The following NECAB1 variants were observed in gnomAD, a reference collection of about 807,000 sequenced individuals.
The protein encoded by NECAB1 is N-terminal EF-hand calcium binding protein 1.
A neutral mutation model predicts 57.5 loss-of-function variants in NECAB1; 29 were observed. The ratio of observed to expected loss-of-function variants is 0.50; its 90% CI spans 0.38 to 0.69. The LOEUF is 0.69. Among genes scored for constraint, NECAB1 ranks in the 30% least tolerant of loss-of-function variants. NECAB1 has a pLI of 0.00. For missense variants in NECAB1, 372 were observed against 413.8 expected (o/e 0.90, Z 0.88); for synonymous variants, 142 against 147.7 (o/e 0.96, Z 0.28).
At chr8:90,906,885 A>ATATATGTATATATATATATATATGTATG (rs1554574061) in intron 5 of NECAB1, among the ~76,000 whole-genome samples, 2 of 120,916 alleles carry the variant, frequency 1.7e-5, no homozygotes, top group South Asian at 2.6e-4. Flanking sequence ...ACATATATAT[A>ATATATGTATATATATATATATATGTATG]TATATATATA....
intron 1 of NECAB1, among the ~76,000 whole-genome samples, chr8:90,800,937 A>T (rs1219774912): frequency 6.6e-6 from 1 of 152,232 alleles, no homozygotes; most frequent in African/African-American, 2.4e-5. Context: ...ATTACTAAAG[A>T]GTAATGGATA....
rs537270267 is a variant in NECAB1, at chr8:90,952,506, C to T, written c.1030+1302C>T. On this transcript the variant is annotated intron_variant, in intron 12 of 12. Transcript: ENST00000417640. ...TTATAAATGGGAGGAAGGCTGGGCG[C>T]GGTGGCTCACGCCTGTAATCCCAGC... Among the ~76,000 whole-genome samples, 145 of 152,182 alleles carry T rather than the reference C, an allele frequency of 9.5e-4. 1 individual carries two copies. Among genetic ancestry groups the T allele is most frequent in the Admixed American group, 1.6e-3 (24 of 15,292 alleles).
At chr8:90,872,395 A>T in intron 4 of NECAB1, 1 of 379,788 alleles carries the variant, frequency 2.6e-6, no homozygotes, top group Non-Finnish European at 4.7e-6. Context: ...TACAATCAGT[A>T]CATTAGTTTC....
chr8:90,925,455 C>G, intron 6 of NECAB1, 80 bp from the exon 7 acceptor site: 2 of 1,498,000 alleles, frequency 1.3e-6, no homozygotes, highest in Non-Finnish European at 1.8e-6. Context: ...ACCTTTATGA[C>G]TGACGCATGA....
At chr8:90,817,154 G>C (rs1812072331) in intron 2 of NECAB1, among the ~76,000 whole-genome samples, 1 of 151,580 alleles carries the variant, frequency 6.6e-6, no homozygotes, top group African/African-American at 2.4e-5. Context: ...TATTAACCTT[G>C]TATCGTATGA....
chr8:90,954,503 T>C (rs890646798), intron 12 of NECAB1, among the ~76,000 whole-genome samples: 1 of 151,766 alleles, frequency 6.6e-6, no homozygotes, highest in African/African-American at 2.4e-5. Flanking sequence ...GAAAACAGGA[T>C]ACAAAAAAAA....
intron 5 of NECAB1, among the ~76,000 whole-genome samples, chr8:90,906,891 A>ATATATG (rs1809680087): frequency 3.5e-5 from 4 of 113,414 alleles, no homozygotes; most frequent in African/African-American, 1.6e-4. Context: ...ATATATATAT[A>ATATATG]TATATATATA....
At chr8:90,945,606 C>T (rs1388592326) in intron 10 of NECAB1, among the ~76,000 whole-genome samples, 1 of 152,080 alleles carries the variant, frequency 6.6e-6, no homozygotes. Context: ...ACTGGTTAGG[C>T]CTTGCTTGTG....
intron 3 of NECAB1, among the ~76,000 whole-genome samples, chr8:90,845,195 C>T (rs1035140835): frequency 7.9e-5 from 12 of 152,174 alleles, no homozygotes; most frequent in African/African-American, 2.9e-4. Context: ...AACACCTTCA[C>T]TGAAACAACC....
intron 3 of NECAB1, among the ~76,000 whole-genome samples, chr8:90,847,763 T>C (rs1812596316): frequency 6.6e-6 from 1 of 152,226 alleles, no homozygotes; most frequent in African/African-American, 2.4e-5. Flanking sequence ...AGCCATGGCA[T>C]GAACTGTATC....
At chr8:90,955,112 T>TTAATTTTATATATATATA (rs1234665098) in intron 12 of NECAB1, among the ~76,000 whole-genome samples, 3 of 70,816 alleles carry the variant, frequency 4.2e-5, no homozygotes, top group African/African-American at 9.4e-5. Flanking sequence ...GGTATATAAA[T>TTAATTTTATATATATATA]TATATATATA....
At chr8:90,795,306 C>T (rs1018477971) in intron 1 of NECAB1, among the ~76,000 whole-genome samples, 10 of 152,206 alleles carry the variant, frequency 6.6e-5, no homozygotes, top group African/African-American at 2.4e-4. Context: ...GCAACTTCAT[C>T]CACCCAATGC....
chr8:90,879,222 T>C (rs1033524527), intron 4 of NECAB1, among the ~76,000 whole-genome samples: 3 of 147,232 alleles, frequency 2.0e-5, no homozygotes, highest in Admixed American at 1.4e-4. Context: ...CAATGTCTCA[T>C]CTGTAGCCCA....
chr8:90,953,802 C>T (rs1163708035), intron 12 of NECAB1, among the ~76,000 whole-genome samples: 1 of 152,166 alleles, frequency 6.6e-6, no homozygotes, highest in African/African-American at 2.4e-5. Flanking sequence ...GGCGCTATGG[C>T]TCACGCCTGT....
intron 2 of NECAB1, among the ~76,000 whole-genome samples, chr8:90,803,550 C>T (rs539310602): frequency 6.6e-6 from 1 of 152,202 alleles, no homozygotes; most frequent in Non-Finnish European, 1.5e-5. Flanking sequence ...GCACATGATT[C>T]AATGGCTTAT....
rs185562665 is a variant in NECAB1 at position 90,952,894 on chromosome 8, G to A, written c.1030+1690G>A. ...CTTTGTACATAGAATGCAGGAAAGTGAGATCCACATTTTATTTATCTTCAC... is the reference window on the plus strand; with the variant it reads ...CTTTGTACATAGAATGCAGGAAAGTAAGATCCACATTTTATTTATCTTCAC... On this transcript the variant is annotated intron_variant, in intron 12 of 12. Transcript: ENST00000417640. 4.0e-3 allele frequency among the ~76,000 whole-genome samples: 612 copies of A among 152,268 alleles called. 3 individuals carry two copies. Among genetic ancestry groups the A allele is most frequent in the African/African-American group, 0.014 (564 of 41,546 alleles).
At chr8:90,860,778 C>G (rs1435468703) in intron 3 of NECAB1, among the ~76,000 whole-genome samples, 1 of 152,044 alleles carries the variant, frequency 6.6e-6, no homozygotes, top group East Asian at 1.9e-4. Flanking sequence ...AGAACACATG[C>G]AGGGCATTGA....
intron 3 of NECAB1, among the ~76,000 whole-genome samples, chr8:90,861,466 T>C (rs1220112962): frequency 1.3e-5 from 2 of 152,162 alleles, no homozygotes; most frequent in African/African-American, 4.8e-5. Flanking sequence ...TCACGAGAAA[T>C]GGAATAGGCT....
At chr8:90,833,979 A>G (rs545374538) in intron 3 of NECAB1, among the ~76,000 whole-genome samples, 99 of 152,130 alleles carry the variant, frequency 6.5e-4, no homozygotes, top group African/African-American at 2.2e-3. Flanking sequence ...CCTGGCCAAC[A>G]TGGTGAAACC....
Sources: allele counts gnomAD v4.1 joint callset (sites outside exome capture counted in the v4.1 genomes callset), GRCh38; gene constraint gnomAD v4.1.1; transcripts MANE v1.5; gene names NCBI Gene and HGNC (gene_info 2026-07-23, HGNC 2026-07-21).